The following OMD variants were observed in gnomAD, a reference collection of about 807,000 sequenced individuals.
The protein encoded by OMD is KSPG osteomodulin.
OMD carries 19 observed loss-of-function variants against 31.2 expected under a neutral mutation model. That is an observed-to-expected ratio of 0.61 (90% CI 0.42 to 0.89). The LOEUF is 0.89. OMD is among the 40% of genes least tolerant of loss of function. The pLI is 0.00. For missense variants in OMD, 448 were observed against 490.8 expected (o/e 0.91, Z 0.82); for synonymous variants, 155 against 166.4 (o/e 0.93, Z 0.53).
chr9:92,422,414 CT>C (rs1446276375), intron 1 of OMD, among the ~76,000 whole-genome samples: 2 of 152,016 alleles, frequency 1.3e-5, no homozygotes, highest in Non-Finnish European at 2.9e-5. Flanking sequence ...AGTTATCAAC[CT>C]TACATTTGAG....
intron 1 of OMD, among the ~76,000 whole-genome samples, chr9:92,418,560 T>C (rs1298138611): frequency 6.6e-6 from 1 of 152,146 alleles, no homozygotes; most frequent in African/African-American, 2.4e-5. Flanking sequence ...ATCCCTCCAC[T>C]GTAAATGCTG....
chr9:92,421,783 G>T (rs1843803875), intron 1 of OMD, among the ~76,000 whole-genome samples: 1 of 152,180 alleles, frequency 6.6e-6, no homozygotes. Flanking sequence ...AGAGCAAACA[G>T]CTTAGTGGAG....
At chr9:92,423,160 T>C (rs1843864596) in intron 1 of OMD, among the ~76,000 whole-genome samples, 1 of 152,240 alleles carries the variant, frequency 6.6e-6, no homozygotes, top group East Asian at 1.9e-4. Context: ...CCTTTTTCTA[T>C]TGAATATTTC....
chr9:92,416,994 T>G lies in OMD; in HGVS notation c.565A>C (p.Thr189Pro). The change falls in exon 2 of 3, where the codon ACC (threonine) becomes CCC (proline). Residue 189 changes from threonine to proline, a missense_variant. By Grantham distance (38) the Thr-to-Pro change is conservative. Transcript: ENST00000375550. Reference sequence around the variant, plus strand: ...TAATTATAACAGAGATCAAGCATGGTCAAGTTTACTAGCCCATCCATAGCA... The same window carrying G: ...TAATTATAACAGAGATCAAGCATGGGCAAGTTTACTAGCCCATCCATAGCA... ...TNAMDGLVNL[T>P]MLDLCYNYLH... 4.3e-6 allele frequency: 7 copies of G among 1,613,950 alleles called. No homozygotes were observed. Among genetic ancestry groups the G allele is most frequent in the Non-Finnish European group, 5.9e-6 (7 of 1,179,884 alleles).
rs575616844 is a variant in OMD at position 92,415,231 on chromosome 9, G to A, written c.1187C>T (p.Pro396Leu). The change falls in exon 3 of 3, where the codon CCT becomes CTT. Residue 396 changes from proline (P) to leucine (L), a missense_variant. Physicochemically the swap from Pro to Leu is moderately conservative, Grantham distance 98. Coordinates refer to ENST00000375550, the MANE Select transcript of OMD (RefSeq NM_005014.3). ...TTCTGGGCTCTCATGAGCATTGTCAGGATCATCGTGATCTTCACTTTCATC... is the reference window on the plus strand; with the variant it reads ...TTCTGGGCTCTCATGAGCATTGTCAAGATCATCGTGATCTTCACTTTCATC... ...DDDESEDHDD[P>L]DNAHESPEQE... 9.9e-6 allele frequency: 16 copies of A among 1,613,696 alleles called. No homozygotes were observed. In the African/African-American group the frequency reaches 1.9e-4, roughly 19 times the overall value.
chr9:92,416,094 A>AT (rs1479760871), intron 2 of OMD, among the ~76,000 whole-genome samples: 21 of 137,294 alleles, frequency 1.5e-4, no homozygotes, highest in Non-Finnish European at 2.2e-4. Context: ...TTATTTATTT[A>AT]TTTATTTTAT....
At chr9:92,417,980 G>A (rs1311876434) in intron 1 of OMD, among the ~76,000 whole-genome samples, 11 of 152,010 alleles carry the variant, frequency 7.2e-5, no homozygotes, top group African/African-American at 2.4e-4. Flanking sequence ...CTCTGGCCTC[G>A]GCCTCCCAAA....
intron 1 of OMD, among the ~76,000 whole-genome samples, chr9:92,418,515 A>G (rs1386108031): frequency 6.6e-6 from 1 of 151,996 alleles, no homozygotes; most frequent in East Asian, 1.9e-4. Context: ...GTATAGATCT[A>G]TGATAATAGC....
intron 2 of OMD, 33 bp downstream of exon 2, chr9:92,416,586 T>C: frequency 7.8e-7 from 1 of 1,282,410 alleles, no homozygotes; most frequent in Non-Finnish European, 1.1e-6. Flanking sequence ...TTCCATTCTT[T>C]CTCTCTTCAA....
intron 1 of OMD, among the ~76,000 whole-genome samples, chr9:92,417,798 A>G (rs1373187303): frequency 6.6e-6 from 1 of 152,040 alleles, no homozygotes; most frequent in Non-Finnish European, 1.5e-5. Flanking sequence ...GGCTCACTGC[A>G]ACTTCTGCCT....
Position 92,417,339 on chromosome 9 carries a change from A to T in OMD, c.220T>A (p.Ser74Thr). ...SECFCPTNFP[S>T]SMYCDNRKLK... ...TTGCGATTATCACAGTACATTGATG[A>T]TGGAAAGTTAGTTGGACAGAAGCAT... Residue 74 changes from serine to threonine, a missense_variant, in exon 2 of 3, where the codon TCA (serine) becomes ACA (threonine). Transcript: ENST00000375550. The T allele has an allele frequency of 6.2e-7, 1 of 1,614,058 alleles. No homozygotes were observed. Among genetic ancestry groups the T allele is most frequent in the Non-Finnish European group, 8.5e-7 (1 of 1,179,946 alleles).
At chr9:92,423,154 T>C (rs573548386) in intron 1 of OMD, among the ~76,000 whole-genome samples, 2 of 152,336 alleles carry the variant, frequency 1.3e-5, no homozygotes, top group African/African-American at 4.8e-5. Context: ...ACTGTTCCTT[T>C]TTCTATTGAA....
rs534575934 is a variant in OMD at position 92,415,125 on chromosome 9, G to A, written c.*27C>T. The A allele has an allele frequency of 6.6e-6, 10 of 1,525,984 alleles. No homozygotes were observed. The highest frequency in any genetic ancestry group is 2.3e-5 in the East Asian group (1 of 44,132). 94.5% of individuals were successfully genotyped at this position (1,525,984 alleles called of 1,614,324 possible). On this transcript the variant is annotated 3_prime_UTR_variant, in exon 3 of 3. Coordinates refer to ENST00000375550, the MANE Select transcript of OMD (RefSeq NM_005014.3). Reference sequence around the variant, plus strand: ...TATTAAGTATAGGTTTTGTGAAGTCGTAAGTGTATACCTATATAGTTTCTT... The same window carrying A: ...TATTAAGTATAGGTTTTGTGAAGTCATAAGTGTATACCTATATAGTTTCTT...
rs528848187 is a variant in OMD, at chr9:92,417,502, A to T, written c.57T>A (p.His19Gln). The part of the protein sequence containing the change: ...VIFFFFGVKV[H>Q]CQYETYQWDE... ...CCCACTGATAAGTTTCATATTGGCAATGTACTTTGACTCCAAAAAAGAAGA... is the reference window on the plus strand; with the variant it reads ...CCCACTGATAAGTTTCATATTGGCATTGTACTTTGACTCCAAAAAAGAAGA... Residue 19 changes from histidine (H) to glutamine (Q), a missense_variant, in exon 2 of 3, where the codon CAT becomes CAA. By Grantham distance (24) the His-to-Gln change is conservative. Coordinates refer to ENST00000375550, the MANE Select transcript of OMD (RefSeq NM_005014.3). 5.7e-5 allele frequency: 92 copies of T among 1,613,306 alleles called. No individual in the cohort carries two copies. In the South Asian group the frequency reaches 9.1e-4, roughly 16 times the overall value.
chr9:92,415,611 T>C (rs1314070615), intron 2 of OMD, 134 bp from the exon 3 acceptor site: 5 of 406,958 alleles, frequency 1.2e-5, no homozygotes, highest in Non-Finnish European at 2.1e-5. Context: ...GAATTAGGTT[T>C]CCTTTTTATA....
intron 1 of OMD, 23 bp from the exon 2 acceptor site, chr9:92,417,597 C>A (rs1418226993): frequency 2.3e-6 from 3 of 1,288,276 alleles, no homozygotes; most frequent in Non-Finnish European, 2.1e-6. Flanking sequence ...GAAAAGGAAA[C>A]ATTGTGGAGA....
In OMD at chr9:92,415,261, T is replaced by C; in HGVS notation, c.1157A>G (p.Asp386Gly). The change falls in exon 3 of 3, where the codon GAT (aspartate) becomes GGT (glycine). Residue 386 changes from aspartate to glycine, a missense_variant. Transcript: ENST00000375550. Reference protein sequence around the residue: ...KTQVFRRFPDDDDESEDHDDP... With the variant: ...KTQVFRRFPDGDDESEDHDDP... ...ATCGTGATCTTCACTTTCATCATCA[T>C]CATCTGGAAATCTCCTGAAAACTTG... The C allele has an allele frequency of 3.7e-6, 6 of 1,613,854 alleles. No homozygotes were observed. The highest frequency in any genetic ancestry group is 4.2e-6 in the Non-Finnish European group (5 of 1,179,822).
rs1843496099 is a variant in OMD, at chr9:92,413,252, G to T, written c.*1900C>A. ...TCCACCTAACTCGGCCTTCCAAAGT[G>T]CTGGGATTACAGGTGTGAGCTAATG... On this transcript the variant is annotated 3_prime_UTR_variant, in exon 3 of 3. Coordinates refer to ENST00000375550, the MANE Select transcript of OMD (RefSeq NM_005014.3). Among the ~76,000 whole-genome samples the T allele has an allele frequency of 1.3e-5, 2 of 151,952 alleles. No homozygotes were observed. Among genetic ancestry groups the T allele is most frequent in the Admixed American group, 1.3e-4 (2 of 15,134 alleles).
rs995049853 is a variant in OMD at position 92,413,958 on chromosome 9, T to C, written c.*1194A>G. ...TCTGAAGTATAGTTTGACTTGTCTG[T>C]CTGTTGCATATTGTCAGAATTGTTA... On this transcript the variant is annotated 3_prime_UTR_variant, in exon 3 of 3. Coordinates refer to ENST00000375550, the MANE Select transcript of OMD (RefSeq NM_005014.3). 6.6e-6 allele frequency among the ~76,000 whole-genome samples: 1 copy of C among 152,210 alleles called. No individual in the cohort carries two copies. Among genetic ancestry groups the C allele is most frequent in the Non-Finnish European group, 1.5e-5 (1 of 68,026 alleles).
Sources: gnomAD v4.1 joint callset for allele counts (sites outside exome capture counted in the v4.1 genomes callset) on GRCh38, gnomAD v4.1.1 for gene constraint, MANE v1.5 for transcripts, NCBI Gene and HGNC (gene_info 2026-07-23, HGNC 2026-07-21) for gene names.